The following MOB3B variants were observed in gnomAD, a reference collection of about 807,000 sequenced individuals.
The protein encoded by MOB3B is MOB kinase activator-like 2B.
A neutral mutation model predicts 18.7 loss-of-function variants in MOB3B; 7 were observed. That is an observed-to-expected ratio of 0.37 (90% CI 0.21 to 0.70). The LOEUF (loss-of-function observed/expected upper bound fraction) is 0.70. Among genes scored for constraint, MOB3B ranks in the 30% least tolerant of loss-of-function variants. The pLI, the probability that MOB3B is intolerant of heterozygous loss-of-function variation, is 0.52. For missense variants in MOB3B, 253 were observed against 281.3 expected (o/e 0.90, Z 0.72); for synonymous variants, 111 against 99.9 (o/e 1.11, Z -0.66).
intron 3 of MOB3B, among the ~76,000 whole-genome samples, chr9:27,344,416 G>A (rs765699298): frequency 2.0e-5 from 3 of 152,080 alleles, no homozygotes; most frequent in Non-Finnish European, 4.4e-5. Context: ...GCCAAGTACC[G>A]TTGCACTAGC....
At position 27,473,683 on chromosome 9, in the gene MOB3B, C is replaced by T. The variant is rs551845384; in HGVS notation, c.-198-17935G>A. On this transcript the variant is annotated intron_variant, in intron 1 of 3. Transcript: ENST00000262244. ...GGACCCCATCAAGACATTCCCTCAGCTTCATCAGAGGTCATGCACTCTCCC... is the reference window on the plus strand; with the variant it reads ...GGACCCCATCAAGACATTCCCTCAGTTTCATCAGAGGTCATGCACTCTCCC... Among the ~76,000 whole-genome samples, 50 of 152,204 alleles carry T rather than the reference C, an allele frequency of 3.3e-4. 1 individual carries two copies. The highest frequency in any genetic ancestry group is 1.2e-3 in the African/African-American group (49 of 41,538).
chr9:27,469,129 T>C (rs943414614), intron 1 of MOB3B, among the ~76,000 whole-genome samples: 11 of 152,064 alleles, frequency 7.2e-5, no homozygotes, highest in African/African-American at 2.4e-4. Flanking sequence ...CTAATCAACT[T>C]GGGAATTTTT....
chr9:27,524,304 C>T (rs760457996), intron 1 of MOB3B: 6 of 1,594,040 alleles, frequency 3.8e-6, no homozygotes, highest in Non-Finnish European at 5.1e-6. Flanking sequence ...TTGTCATATA[C>T]ACATCTTCTG....
In MOB3B at chr9:27,357,888, CAAAAAAAAAAAAAAAAAAA is replaced by C. The variant is rs58851638; in HGVS notation, c.621+1127_621+1145del. On this transcript the variant is annotated intron_variant, in intron 3 of 3. Transcript: ENST00000262244. Reference sequence around the variant, plus strand: ...TCAACATAATGAGATCCCATCGCTACAAAAAAAAAAAAAAAAAAAAAAAAAAAAAAAAATAGCCATGCCA... The same window carrying C: ...TCAACATAATGAGATCCCATCGCTACAAAAAAAAAAAAAATAGCCATGCCA... 1.2e-4 allele frequency among the ~76,000 whole-genome samples: 7 copies of C among 57,944 alleles called. No homozygotes were observed. In the East Asian group the frequency reaches 4.3e-3, roughly 35 times the overall value. 38.0% of individuals were successfully genotyped at this position (57,944 alleles called of 152,430 possible).
Position 27,474,319 on chromosome 9 carries a change from C to CA in MOB3B, c.-198-18572dup, listed in dbSNP as rs577738980. On this transcript the variant is annotated intron_variant, in intron 1 of 3. Coordinates refer to ENST00000262244, the MANE Select transcript of MOB3B (RefSeq NM_024761.5). ...CTAATAAGGAAATAAATGTATACCT[C>CA]ATTACTGTATGACCTCCCAGAAGCT... is the stretch of plus-strand genomic sequence containing the variant. Among the ~76,000 whole-genome samples, 17 of 152,242 alleles carry CA rather than the reference C, an allele frequency of 1.1e-4. 1 individual carries two copies. In the South Asian group the frequency reaches 3.3e-3, roughly 30 times the overall value.
At chr9:27,458,107 C>T (rs192541406) in intron 1 of MOB3B, among the ~76,000 whole-genome samples, 8 of 152,338 alleles carry the variant, frequency 5.3e-5, no homozygotes, top group African/African-American at 1.7e-4. Context: ...AACCACCAAA[C>T]AGCTGCCCCC....
At chr9:27,352,281 T>C (rs1821116423) in intron 3 of MOB3B, among the ~76,000 whole-genome samples, 1 of 148,078 alleles carries the variant, frequency 6.8e-6, no homozygotes. Context: ...CTTAGGAGGC[T>C]GAGGTGGGAG....
chr9:27,398,053 C>T (rs1009359046), intron 2 of MOB3B, among the ~76,000 whole-genome samples: 4 of 152,212 alleles, frequency 2.6e-5, no homozygotes, highest in Admixed American at 2.6e-4. Context: ...AAATTTATGG[C>T]ATGCCTTCTT....
chr9:27,524,364 A>G (rs772288509), intron 1 of MOB3B: 1 of 1,612,144 alleles, frequency 6.2e-7, no homozygotes, highest in East Asian at 2.2e-5. Context: ...TATGATTCAA[A>G]AGTGTTTGTG....
chr9:27,430,928 GAA>G (rs879750135), intron 2 of MOB3B, among the ~76,000 whole-genome samples: 4 of 127,392 alleles, frequency 3.1e-5, no homozygotes, highest in East Asian at 2.4e-4. Flanking sequence ...GCCTGCTTGG[GAA>G]AAAAAAAAAA....
chr9:27,339,641 G>A (rs1563844037), intron 3 of MOB3B, among the ~76,000 whole-genome samples: 1 of 152,236 alleles, frequency 6.6e-6, no homozygotes, highest in Admixed American at 6.5e-5. Context: ...GGGTAATGGA[G>A]GTTAAGTACC....
At chr9:27,471,483 G>T (rs777904260) in intron 1 of MOB3B, among the ~76,000 whole-genome samples, 3 of 152,110 alleles carry the variant, frequency 2.0e-5, no homozygotes, top group Non-Finnish European at 2.9e-5. Context: ...TAGACTGGTC[G>T]TTAAGTAAAT....
chr9:27,400,460 C>A (rs1821861405), intron 2 of MOB3B, among the ~76,000 whole-genome samples: 1 of 152,202 alleles, frequency 6.6e-6, no homozygotes, highest in Non-Finnish European at 1.5e-5. Context: ...TCCTTCCTTC[C>A]CAAACTGCCA....
At chr9:27,455,792 C>T (rs1429010131) in intron 1 of MOB3B, 44 bp from the exon 2 acceptor site, 9 of 1,388,368 alleles carry the variant, frequency 6.5e-6, no homozygotes, top group Non-Finnish European at 8.4e-6. Context: ...GCCCAGTTCG[C>T]CTTTAAAAAA....
At chr9:27,357,146 G>GT (rs201108645) in intron 3 of MOB3B, among the ~76,000 whole-genome samples, 913 of 48,116 alleles carry the variant, frequency 0.019, 66 homozygotes, top group African/African-American at 0.065. Flanking sequence ...ATATATATAT[G>GT]TGTTTTTTTT....
At chr9:27,414,366 G>A (rs1234137204) in intron 2 of MOB3B, among the ~76,000 whole-genome samples, 3 of 152,160 alleles carry the variant, frequency 2.0e-5, no homozygotes, top group Non-Finnish European at 4.4e-5. Context: ...CTGTGAACCC[G>A]GGGGGCTCGT....
At chr9:27,404,446 C>T (rs1479324227) in intron 2 of MOB3B, among the ~76,000 whole-genome samples, 1 of 134,244 alleles carries the variant, frequency 7.4e-6, no homozygotes. Context: ...ACCTCTTGAA[C>T]TGCAAAGTTC....
At chr9:27,482,351 C>A (rs1361765738) in intron 1 of MOB3B, among the ~76,000 whole-genome samples, 1 of 152,158 alleles carries the variant, frequency 6.6e-6, no homozygotes, top group Non-Finnish European at 1.5e-5. Context: ...CTGCTTACAC[C>A]AAGTCTCCTT....
chr9:27,345,153 TCCCCCAA>T (rs1243517405), intron 3 of MOB3B, among the ~76,000 whole-genome samples: 1 of 151,980 alleles, frequency 6.6e-6, no homozygotes, highest in East Asian at 1.9e-4. Flanking sequence ...TGCATATGCC[TCCCCCAA>T]GCCCACACAC....
Sources: allele counts gnomAD v4.1 joint callset (sites outside exome capture counted in the v4.1 genomes callset), GRCh38; gene constraint gnomAD v4.1.1; transcripts MANE v1.5; gene names NCBI Gene and HGNC (gene_info 2026-07-23, HGNC 2026-07-21).